The following LINGO2 variants were observed in gnomAD, a reference collection of about 807,000 sequenced individuals.
The protein encoded by LINGO2 is leucine-rich repeat and immunoglobulin-like domain-containing nogo receptor-interacting protein 2.
A neutral mutation model predicts 30.6 loss-of-function variants in LINGO2; 14 were observed. That is an observed-to-expected ratio of 0.46 (90% CI 0.30 to 0.72). LINGO2 has a LOEUF of 0.72. Ranked by LOEUF, LINGO2 falls within the 30% of genes least tolerant of loss-of-function variation. LINGO2 has a pLI of 0.07. For synonymous variants in LINGO2, 317 were observed against 288.5 expected (o/e 1.10, Z -1.00); for missense variants, 729 against 751.7 (o/e 0.97, Z 0.35).
the LINGO2 span, among the ~76,000 whole-genome samples, chr9:28,754,922 C>T: frequency 5.9e-5 from 9 of 152,074 alleles, 1 homozygote; most frequent in South Asian, 2.1e-4. Context: ...TAAGCCACCA[C>T]GCCCAGCCTT....
At chr9:27,937,755 A>G in the LINGO2 span, 1 of 152,202 alleles carries the variant, frequency 6.6e-6, no homozygotes, top group Non-Finnish European at 1.5e-5. Flanking sequence ...ATTTTAATGC[A>G]ACTGACAGTT....
the LINGO2 span, among the ~76,000 whole-genome samples, chr9:29,026,288 TA>T: frequency 6.6e-6 from 1 of 152,114 alleles, no homozygotes; most frequent in African/African-American, 2.4e-5. Context: ...CTCAGCCTTC[TA>T]AAGGGCTGGG....
chr9:28,870,231 CAA>C, the LINGO2 span, among the ~76,000 whole-genome samples: 11 of 152,154 alleles, frequency 7.2e-5, no homozygotes, highest in African/African-American at 2.2e-4. Context: ...ATAAAATCCA[CAA>C]AGTTTATTAC....
intron 4 of LINGO2, among the ~76,000 whole-genome samples, chr9:28,110,700 C>T (rs780290925): frequency 2.0e-5 from 3 of 152,108 alleles, no homozygotes; most frequent in Admixed American, 6.5e-5. Flanking sequence ...CATCTCAAAC[C>T]AGTCAGAATG....
chr9:28,382,423 C>T (rs953587139), intron 2 of LINGO2, among the ~76,000 whole-genome samples: 2 of 152,032 alleles, frequency 1.3e-5, no homozygotes, highest in Non-Finnish European at 2.9e-5. Context: ...TAGTTAAATA[C>T]CTACAACACA....
the LINGO2 span, among the ~76,000 whole-genome samples, chr9:28,794,066 G>A: frequency 1.3e-5 from 2 of 152,162 alleles, no homozygotes; most frequent in Admixed American, 6.5e-5. Flanking sequence ...AGCACTTTGG[G>A]AGGCTGAGGA....
intron 1 of LINGO2, among the ~76,000 whole-genome samples, chr9:28,528,294 C>A (rs1821105045): frequency 6.6e-6 from 1 of 152,154 alleles, no homozygotes; most frequent in Non-Finnish European, 1.5e-5. Flanking sequence ...ATGCACAATT[C>A]AGAACTGGGG....
At chr9:28,761,165 T>C in the LINGO2 span, among the ~76,000 whole-genome samples, 1 of 151,960 alleles carries the variant, frequency 6.6e-6, no homozygotes, top group Admixed American at 6.5e-5. Flanking sequence ...CAAACTTTCA[T>C]AAAGAAATAT....
At chr9:28,200,161 C>T (rs1017390473) in intron 4 of LINGO2, among the ~76,000 whole-genome samples, 125 of 152,270 alleles carry the variant, frequency 8.2e-4, no homozygotes, top group African/African-American at 2.9e-3. Flanking sequence ...ATTTACAAAG[C>T]AATAAACATT....
the LINGO2 span, among the ~76,000 whole-genome samples, chr9:28,815,444 A>T: frequency 1.3e-5 from 2 of 152,202 alleles, no homozygotes; most frequent in African/African-American, 2.4e-5. Context: ...CATTATTAAT[A>T]TAAGAGCACT....
the LINGO2 span, among the ~76,000 whole-genome samples, chr9:28,735,971 T>A: frequency 7.0e-6 from 1 of 142,844 alleles, no homozygotes; most frequent in African/African-American, 2.6e-5. Context: ...GAGGATGTCA[T>A]GTGAAAAATT....
intron 4 of LINGO2, among the ~76,000 whole-genome samples, chr9:28,110,847 A>C (rs1201002779): frequency 6.6e-6 from 1 of 152,184 alleles, no homozygotes; most frequent in Admixed American, 6.5e-5. Flanking sequence ...AAGGATCTAG[A>C]AGCAGAAATA....
At chr9:27,999,939 C>T (rs1027778868) in intron 5 of LINGO2, among the ~76,000 whole-genome samples, 1 of 152,132 alleles carries the variant, frequency 6.6e-6, no homozygotes, top group African/African-American at 2.4e-5. Flanking sequence ...ACAAATTCTC[C>T]TGTGACTCAA....
the LINGO2 span, among the ~76,000 whole-genome samples, chr9:29,082,768 C>T: frequency 2.0e-5 from 3 of 152,054 alleles, no homozygotes; most frequent in East Asian, 1.9e-4. Flanking sequence ...AACAAGTGGG[C>T]GAAGGATATG....
chr9:28,583,418 G>T (rs540422927), intron 1 of LINGO2, among the ~76,000 whole-genome samples: 1 of 151,734 alleles, frequency 6.6e-6, no homozygotes, highest in African/African-American at 2.4e-5. Flanking sequence ...TTTTCATAAC[G>T]TAGCCACAAT....
chr9:28,713,510 T>C, the LINGO2 span, among the ~76,000 whole-genome samples: 232 of 152,266 alleles, frequency 1.5e-3, 2 homozygotes, highest in African/African-American at 5.4e-3. Flanking sequence ...ACTTGGATCA[T>C]AAAATGCTCC....
chr9:29,087,602 T>C, the LINGO2 span, among the ~76,000 whole-genome samples: 1 of 152,168 alleles, frequency 6.6e-6, no homozygotes. Flanking sequence ...CTCTCGCTCA[T>C]AGACCTCTAT....
At chr9:27,988,190 T>C (rs924893938) in intron 5 of LINGO2, among the ~76,000 whole-genome samples, 2 of 152,098 alleles carry the variant, frequency 1.3e-5, no homozygotes, top group Non-Finnish European at 2.9e-5. Context: ...ACTCATTTTT[T>C]ATGGCTGCAT....
chr9:28,679,879 G>C, the LINGO2 span, among the ~76,000 whole-genome samples: 2 of 151,590 alleles, frequency 1.3e-5, no homozygotes, highest in African/African-American at 4.8e-5. Flanking sequence ...ATACACTGTG[G>C]AATGGCTAAT....
Sources: allele counts gnomAD v4.1 joint callset (sites outside exome capture counted in the v4.1 genomes callset), GRCh38; gene constraint gnomAD v4.1.1; transcripts MANE v1.5; gene names NCBI Gene and HGNC (gene_info 2026-07-23, HGNC 2026-07-21).